The following ANO10 variants were observed in gnomAD, a reference collection of about 807,000 sequenced individuals.
The protein encoded by ANO10 is anoctamin-10.
In ANO10, 77 loss-of-function variants were observed where a neutral mutation model predicts 74.7. The ratio of observed to expected loss-of-function variants is 1.03; its 90% CI spans 0.86 to 1.25. ANO10 has a LOEUF of 1.25. Ranked by LOEUF, ANO10 falls within the 50% of genes most tolerant of loss-of-function variation. The pLI, the probability that ANO10 is intolerant of heterozygous loss-of-function variation, is 0.00. For missense variants in ANO10, 721 were observed against 778.1 expected (o/e 0.93, Z 0.87); for synonymous variants, 279 against 284.9 (o/e 0.98, Z 0.21).
Position 43,621,988 on chromosome 3 carries a change from G to C in ANO10, c.-91C>G, listed in dbSNP as rs2083422104. On this transcript the variant is annotated 5_prime_UTR_variant, in exon 1 of 13. Coordinates refer to ENST00000292246, the MANE Select transcript of ANO10 (RefSeq NM_018075.5). ...CGGAGGCCGGGCGAAAGAGTGCTCG[G>C]TGCGGGGGGCGGGCCAGGCCAGTGG... is the stretch of plus-strand genomic sequence containing the variant. 6.5e-6 allele frequency: 1 copy of C among 152,736 alleles called. No individual in the cohort carries two copies. Among genetic ancestry groups the C allele is most frequent in the African/African-American group, 2.4e-5 (1 of 41,460 alleles). The allele number at this position is 152,736 out of a possible 1,614,324, so 9.5% of individuals were successfully genotyped here.
chr3:43,569,236 C>T (rs1161933780), intron 7 of ANO10, among the ~76,000 whole-genome samples: 1 of 126,992 alleles, frequency 7.9e-6, no homozygotes, highest in African/African-American at 3.2e-5. Context: ...GATGGATTCA[C>T]AGCCGAATTC....
chr3:43,542,864 T>C (rs1376833902), intron 11 of ANO10, among the ~76,000 whole-genome samples: 1 of 152,254 alleles, frequency 6.6e-6, no homozygotes, highest in African/African-American at 2.4e-5. Context: ...GCATTTCACA[T>C]ATACAACCTC....
intron 11 of ANO10, among the ~76,000 whole-genome samples, chr3:43,502,478 T>C (rs1469799029): frequency 6.6e-6 from 1 of 152,154 alleles, no homozygotes; most frequent in Non-Finnish European, 1.5e-5. Flanking sequence ...ATGTGATCTC[T>C]ACACACCAGC....
In ANO10 at chr3:43,612,140, T is replaced by TTATATA. The variant is rs55675402; in HGVS notation, c.-11-6283_-11-6278dup. Among the ~76,000 whole-genome samples, 357 of 64,520 alleles carry TTATATA rather than the reference T, an allele frequency of 5.5e-3. 1 individual carries two copies. Among genetic ancestry groups the TTATATA allele is most frequent in the Non-Finnish European group, 8.5e-3 (274 of 32,062 alleles). 42.3% of individuals were successfully genotyped at this position (64,520 alleles called of 152,430 possible). On this transcript the variant is annotated intron_variant, in intron 1 of 12. Coordinates refer to ENST00000292246, the MANE Select transcript of ANO10 (RefSeq NM_018075.5). ...AGTGGAATAAAGAAAATTAAATATTTTATATATATATATATATATATATAT... is the reference window on the plus strand; with the variant it reads ...AGTGGAATAAAGAAAATTAAATATTTTATATATATATATATATATATATATATATAT...
chr3:43,399,669 G>T (rs939289426), intron 12 of ANO10, among the ~76,000 whole-genome samples: 8 of 152,136 alleles, frequency 5.3e-5, no homozygotes, highest in Non-Finnish European at 1.0e-4. Flanking sequence ...CTCTGTGTAC[G>T]TAGACTGCAT....
intron 9 of ANO10, among the ~76,000 whole-genome samples, chr3:43,557,462 G>A (rs964929657): frequency 6.6e-6 from 1 of 152,070 alleles, no homozygotes; most frequent in Non-Finnish European, 1.5e-5. Context: ...TTGGCCAGGC[G>A]CAGTGGCTCA....
intron 11 of ANO10, among the ~76,000 whole-genome samples, chr3:43,436,802 A>G (rs67032102): frequency 0.19 from 28,214 of 152,244 alleles, 3,139 homozygotes; most frequent in Middle Eastern, 0.36. Flanking sequence ...TAGAAAACTT[A>G]TGATATGATC....
chr3:43,476,704 A>G (rs146434051), intron 11 of ANO10, among the ~76,000 whole-genome samples: 120 of 152,208 alleles, frequency 7.9e-4, no homozygotes, highest in African/African-American at 2.8e-3. Context: ...AGAAATCTTG[A>G]GTTAGATCAC....
intron 12 of ANO10, among the ~76,000 whole-genome samples, chr3:43,396,678 A>C (rs941293016): frequency 6.6e-6 from 1 of 151,434 alleles, no homozygotes; most frequent in Non-Finnish European, 1.5e-5. Context: ...TTTTTCCCCC[A>C]GAGACAGGGC....
intron 7 of ANO10, among the ~76,000 whole-genome samples, chr3:43,574,277 T>TC (rs2080890481): frequency 6.7e-6 from 1 of 148,690 alleles, no homozygotes; most frequent in Middle Eastern, 3.5e-3. Flanking sequence ...TTTCTTTCTT[T>TC]TTTTTTTTTT....
chr3:43,601,244 T>G (rs1183476265), intron 2 of ANO10, among the ~76,000 whole-genome samples: 2 of 152,208 alleles, frequency 1.3e-5, no homozygotes, highest in Non-Finnish European at 2.9e-5. Context: ...CTCACTCTAT[T>G]GCCCAGGTTG....
intron 1 of ANO10, among the ~76,000 whole-genome samples, chr3:43,614,776 T>TAG: frequency 1.9e-5 from 2 of 102,704 alleles, no homozygotes; most frequent in South Asian, 6.1e-4. Context: ...CTAAACTATA[T>TAG]ATATATATAT....
chr3:43,633,936 G>A (rs2083577519), intron 1 of ANO10, among the ~76,000 whole-genome samples: 1 of 150,148 alleles, frequency 6.7e-6, no homozygotes, highest in Non-Finnish European at 1.5e-5. Context: ...GTCTTTTCAA[G>A]GGACTGTTAG....
chr3:43,366,248 G>A lies in ANO10; in HGVS notation c.*658C>T, dbSNP rs1369182764. 6.4e-6 allele frequency: 1 copy of A among 155,070 alleles called. No individual in the cohort carries two copies. Among genetic ancestry groups the A allele is most frequent in the Non-Finnish European group, 1.4e-5 (1 of 69,908 alleles). 9.6% of individuals were successfully genotyped at this position (155,070 alleles called of 1,614,324 possible). On this transcript the variant is annotated 3_prime_UTR_variant, in exon 13 of 13. Transcript: ENST00000292246. The stretch of plus-strand genomic sequence containing the variant: ...GCCTCCAGCCAAGCCCCTCACCCTG[G>A]GCTCCTGATCTCACCGCTCCACCTT...
At chr3:43,377,561 C>A (rs1384515577) in intron 12 of ANO10, among the ~76,000 whole-genome samples, 1 of 152,190 alleles carries the variant, frequency 6.6e-6, no homozygotes, top group Non-Finnish European at 1.5e-5. Flanking sequence ...TCACCTGGGG[C>A]CCTTGGGAGA....
chr3:43,538,295 T>C (rs1282080779), intron 11 of ANO10, among the ~76,000 whole-genome samples: 1 of 152,174 alleles, frequency 6.6e-6, no homozygotes, highest in Non-Finnish European at 1.5e-5. Flanking sequence ...CAAATATGAA[T>C]TTAAGAACAG....
intron 12 of ANO10, among the ~76,000 whole-genome samples, chr3:43,377,081 T>C (rs2091829858): frequency 6.6e-6 from 1 of 152,166 alleles, no homozygotes; most frequent in Non-Finnish European, 1.5e-5. Flanking sequence ...TAAAACAATA[T>C]TTAAATTACT....
At chr3:43,655,634 A>T (rs1241879437) in intron 1 of ANO10, among the ~76,000 whole-genome samples, 1 of 151,840 alleles carries the variant, frequency 6.6e-6, no homozygotes, top group Non-Finnish European at 1.5e-5. Context: ...GCTAGACATA[A>T]AGGTTCTCCA....
intron 12 of ANO10, among the ~76,000 whole-genome samples, chr3:43,430,342 G>C (rs927622039): frequency 2.1e-5 from 3 of 144,048 alleles, no homozygotes; most frequent in African/African-American, 7.7e-5. Flanking sequence ...TTTGGGTTTT[G>C]TGTCTTGATT....
Sources: allele counts gnomAD v4.1 joint callset (sites outside exome capture counted in the v4.1 genomes callset), GRCh38; gene constraint gnomAD v4.1.1; transcripts MANE v1.5; gene names NCBI Gene and HGNC (gene_info 2026-07-23, HGNC 2026-07-21).